Variants in MXD3 observed in about 807,000 individuals in gnomAD.
The protein encoded by MXD3 is Max-associated protein 3.
Under a neutral mutation model 27.5 loss-of-function variants are expected in MXD3, and 20 were observed. The ratio of observed to expected loss-of-function variants is 0.73; its 90% CI spans 0.51 to 1.06. The LOEUF is 1.06. MXD3 is among the 50% of genes least tolerant of loss of function. The pLI is 0.00. For missense variants in MXD3, 298 were observed against 291.3 expected, an observed-to-expected ratio of 1.02 and a Z score of -0.17; for synonymous variants, 150 against 130.7, an observed-to-expected ratio of 1.15 and a Z score of -1.01.
rs565394838 is a variant in MXD3 at position 177,311,009 on chromosome 5, T to C, written c.177-312A>G. 1.4e-4 allele frequency: 82 copies of C among 569,940 alleles called. 1 individual carries two copies. In the Middle Eastern group the frequency reaches 3.3e-3, roughly 23 times the overall value. The allele number at this position is 569,940 out of a possible 1,614,324, so 35.3% of individuals were successfully genotyped here. ...CGGAAACAGATGTTTCCCAAGCCGG[T>C]ACTGGAGGGAGGGGCATTCAAATAG... On this transcript the variant is annotated intron_variant, in intron 2 of 5. Transcript: ENST00000439742.
Position 177,310,547 on chromosome 5 carries a change from G to A in MXD3, c.207-7C>T, listed in dbSNP as rs770213149. The A allele has an allele frequency of 2.2e-5, 36 of 1,611,154 alleles. No homozygotes were observed. Among genetic ancestry groups the A allele is most frequent in the Non-Finnish European group, 2.9e-5 (34 of 1,178,628 alleles). Reference sequence around the variant, plus strand: ...CCGCTTCAACTGGGCCCTCCTGTGGGGAAGAGGTCTGGAGGGCAGTGCCAG... The same window carrying A: ...CCGCTTCAACTGGGCCCTCCTGTGGAGAAGAGGTCTGGAGGGCAGTGCCAG... On this transcript the variant is annotated splice_polypyrimidine_tract_variant and splice_region_variant and intron_variant, in intron 3 of 5. Transcript: ENST00000439742.
chr5:177,306,087 T>C, downstream of MXD3: 1 of 1,608,918 alleles, frequency 6.2e-7, no homozygotes. Flanking sequence ...CCCATTCTCA[T>C]CTCATGCCAG....
At chr5:177,311,074 A>C in intron 2 of MXD3, 1 of 533,810 alleles carries the variant, frequency 1.9e-6, no homozygotes, top group Non-Finnish European at 3.3e-6. Flanking sequence ...AGAGGAGAGA[A>C]GAGGAGGAAG....
At chr5:177,309,011 G>T (rs528816774) in intron 4 of MXD3, among the ~76,000 whole-genome samples, 1 of 152,186 alleles carries the variant, frequency 6.6e-6, no homozygotes, top group Non-Finnish European at 1.5e-5. Context: ...TGGACTGGGC[G>T]TAGAAAGATA....
At chr5:177,311,950 GACGCCCCGCCCGCGGGA>G, upstream of MXD3, 2 of 1,239,010 alleles carry the variant, frequency 1.6e-6, no homozygotes, top group East Asian at 6.7e-5. Flanking sequence ...CCGCCCCCGG[GACGCCCCGCCCGCGGGA>G]ACGCCCAGCC....
intron 2 of MXD3, chr5:177,311,113 G>C (rs1761023855): frequency 1.1e-5 from 6 of 536,392 alleles, no homozygotes; most frequent in Non-Finnish European, 2.0e-5. Flanking sequence ...GGCCTGATGT[G>C]TGGGGTGCGG....
At chr5:177,310,753 A>C in intron 2 of MXD3, 56 bp from the exon 3 acceptor site, 1 of 1,601,852 alleles carries the variant, frequency 6.2e-7, no homozygotes, top group Non-Finnish European at 8.5e-7. Context: ...CCATGCCCCA[A>C]TCCCAGGGCC....
intron 1 of MXD3, 40 bp from the exon 2 acceptor site, chr5:177,311,524 G>T: frequency 7.2e-7 from 1 of 1,381,188 alleles, no homozygotes; most frequent in Non-Finnish European, 9.5e-7. Flanking sequence ...GCTGGGGCTG[G>T]ACCTGGTCCC....
chr5:177,305,702 C>T, downstream of MXD3: 3 of 623,864 alleles, frequency 4.8e-6, no homozygotes, highest in Non-Finnish European at 8.5e-6. Context: ...AGCAAAACGA[C>T]CTTATTTATG....
In MXD3 at chr5:177,310,448, C is replaced by T. The variant is rs145235522; in HGVS notation, c.299G>A (p.Arg100His). The T allele has an allele frequency of 5.3e-5, 85 of 1,612,332 alleles. No individual in the cohort carries two copies. Among genetic ancestry groups the T allele is most frequent in the Admixed American group, 2.0e-4 (12 of 59,914 alleles). The change falls in exon 4 of 6, where the codon CGC becomes CAC. Residue 100 changes from arginine to histidine, a missense_variant. Arg to His is a conservative substitution (Grantham distance 29). Transcript: ENST00000439742. ...CARYTTLSLLRRARMHIQKLE... is the reference protein window; with the variant it reads ...CARYTTLSLLHRARMHIQKLE... Reference sequence around the variant, plus strand: ...CACCTGGATGTGCATCCTGGCACGGCGCAGCAGGCTCAGCGTGGTGTACCG... The same window carrying T: ...CACCTGGATGTGCATCCTGGCACGGTGCAGCAGGCTCAGCGTGGTGTACCG...
At chr5:177,309,693 C>T (rs1760986812) in intron 4 of MXD3, among the ~76,000 whole-genome samples, 1 of 152,260 alleles carries the variant, frequency 6.6e-6, no homozygotes, top group South Asian at 2.1e-4. Context: ...AGCCAGGGAA[C>T]TGGGCATGGG....
In MXD3 at chr5:177,307,876, A is replaced by G; in HGVS notation, c.410T>C (p.Leu137Pro). 6.2e-7 allele frequency: 1 copy of G among 1,606,366 alleles called. No individual in the cohort carries two copies. The highest frequency in any genetic ancestry group is 8.5e-7 in the Non-Finnish European group (1 of 1,177,218). Residue 137 changes from leucine to proline, a missense_variant, in exon 5 of 6, where the codon CTC becomes CCC. Coordinates refer to ENST00000439742, the MANE Select transcript of MXD3 (RefSeq NM_031300.4). Reference sequence around the variant, plus strand: ...CTCGGCCGCCCCTGCCAGCCCCCGGAGCTGCTCCAGCTGCCGCTGCAGGCT... The same window carrying G: ...CTCGGCCGCCCCTGCCAGCCCCCGGGGCTGCTCCAGCTGCCGCTGCAGGCT... ...QQSLQRQLEQ[L>P]RGLAGAAERE...
At chr5:177,310,753 A>AT (rs11412917) in intron 2 of MXD3, 56 bp from the exon 3 acceptor site, 40,057 of 1,601,776 alleles carry the variant, frequency 0.025, 1,637 homozygotes, top group African/African-American at 0.19. Flanking sequence ...CCATGCCCCA[A>AT]TCCCAGGGCC....
intron 4 of MXD3, among the ~76,000 whole-genome samples, chr5:177,309,508 GTTACTC>G (rs947037343): frequency 6.6e-6 from 1 of 152,210 alleles, no homozygotes; most frequent in African/African-American, 2.4e-5. Flanking sequence ...CAACCAGAGT[GTTACTC>G]AGCCACAATG....
At chr5:177,305,553 G>T, downstream of MXD3, 1 of 325,658 alleles carries the variant, frequency 3.1e-6, no homozygotes, top group Non-Finnish European at 5.8e-6. Flanking sequence ...TGCAGCTGGT[G>T]GAAGGCGGCT....
In MXD3 at chr5:177,308,980, G is replaced by A. The variant is rs140321162; in HGVS notation, c.322-1016C>T. Among the ~76,000 whole-genome samples the A allele has an allele frequency of 9.1e-3, 1,391 of 152,316 alleles. 19 individuals are homozygous for A. The highest frequency in any genetic ancestry group is 0.032 in the African/African-American group (1,320 of 41,572). On this transcript the variant is annotated intron_variant, in intron 4 of 5. Transcript: ENST00000439742. ...ATTCGGTCATTCAACAAGAAGGGGA[G>A]AACTGGGCCATGGAGGCGTTTGGAC...
chr5:177,312,308 C>G, upstream of MXD3: 5 of 986,522 alleles, frequency 5.1e-6, no homozygotes, highest in Non-Finnish European at 6.0e-6. Flanking sequence ...GGCCTCCGGC[C>G]GCCGCTCGCC....
upstream of MXD3, chr5:177,312,583 T>C (rs1761063755): frequency 2.0e-6 from 2 of 985,518 alleles, no homozygotes; most frequent in Non-Finnish European, 2.4e-6. Flanking sequence ...CAAGCCTGCC[T>C]GCCATCTGCC....
rs372434020 is a variant in MXD3 at position 177,310,433 on chromosome 5, T to A, written c.314A>T (p.His105Leu). 60 of 1,610,832 alleles carry A rather than the reference T, an allele frequency of 3.7e-5. No homozygotes were observed. The highest frequency in any genetic ancestry group is 5.0e-5 in the Non-Finnish European group (59 of 1,178,828). Residue 105 changes from histidine to leucine, a missense_variant, in exon 4 of 6, where the codon CAC becomes CTC. Transcript: ENST00000439742. ...CGCAGTGGGGGGCCTCACCTGGATG[T>A]GCATCCTGGCACGGCGCAGCAGGCT... Reference protein sequence around the residue: ...TLSLLRRARMHIQKLEDQEQR... With the variant: ...TLSLLRRARMLIQKLEDQEQR...
Sources: gnomAD v4.1 joint callset for allele counts (sites outside exome capture counted in the v4.1 genomes callset) on GRCh38, gnomAD v4.1.1 for gene constraint, MANE v1.5 for transcripts, NCBI Gene and HGNC (gene_info 2026-07-23, HGNC 2026-07-21) for gene names.